Variants in HPGD observed in about 807,000 individuals in gnomAD.
The protein encoded by HPGD is 15-hydroxyprostaglandin dehydrogenase, also known as 15-hydroxyprostaglandin dehydrogenase [NAD(+)].
Under a neutral mutation model 30.0 loss-of-function variants are expected in HPGD, and 29 were observed. The observed-to-expected ratio is 0.97, with a 90% CI of 0.72 to 1.32. HPGD has a LOEUF of 1.32. HPGD is among the 40% of genes most tolerant of loss of function. HPGD has a pLI of 0.00. For missense variants in HPGD, 340 were observed against 322.1 expected (o/e 1.06, Z -0.43); for synonymous variants, 99 against 112.4 (o/e 0.88, Z 0.75).
intron 1 of HPGD, 58 bp from the exon 2 acceptor site, chr4:174,522,125 A>G: frequency 6.2e-7 from 1 of 1,612,322 alleles, no homozygotes; most frequent in Non-Finnish European, 8.5e-7. Flanking sequence ...AGACGGACAA[A>G]CAATAAACAC....
chr4:174,501,600 G>GA (rs45612543), intron 4 of HPGD, among the ~76,000 whole-genome samples: 1,821 of 150,310 alleles, frequency 0.012, 11 homozygotes, highest in Non-Finnish European at 0.02. Flanking sequence ...TAAAGTTACA[G>GA]AAAAAAAAAT....
At chr4:174,505,397 C>T (rs1735133297) in intron 4 of HPGD, among the ~76,000 whole-genome samples, 1 of 152,046 alleles carries the variant, frequency 6.6e-6, no homozygotes, top group Admixed American at 6.6e-5. Flanking sequence ...GTTTGGAAAA[C>T]ACAGAGTAGG....
intron 3 of HPGD, 92 bp from the exon 4 acceptor site, chr4:174,508,884 C>T: frequency 2.6e-6 from 2 of 770,614 alleles, no homozygotes; most frequent in Non-Finnish European, 2.4e-6. Flanking sequence ...TTCCAGATAC[C>T]TAGGGAGATT....
intron 4 of HPGD, among the ~76,000 whole-genome samples, chr4:174,504,622 G>A (rs1357953950): frequency 1.3e-5 from 2 of 151,286 alleles, no homozygotes; most frequent in East Asian, 3.9e-4. Context: ...AGCCTGGCTA[G>A]CATGATGAAA....
intron 2 of HPGD, among the ~76,000 whole-genome samples, chr4:174,519,242 C>T (rs1735951263): frequency 6.7e-6 from 1 of 149,552 alleles, no homozygotes; most frequent in Non-Finnish European, 1.5e-5. Context: ...GAGTCGGAGC[C>T]TCGTTCTGTC....
chr4:174,509,778 A>G (rs573002269), intron 3 of HPGD, among the ~76,000 whole-genome samples: 2 of 152,264 alleles, frequency 1.3e-5, no homozygotes, highest in South Asian at 2.1e-4. Flanking sequence ...AGTTAGCTGG[A>G]CATCTGGTCT....
At chr4:174,517,948 G>T (rs1458220339) in intron 3 of HPGD, 23 bp downstream of exon 3, 1 of 1,196,080 alleles carries the variant, frequency 8.4e-7, no homozygotes, top group Non-Finnish European at 1.2e-6. Flanking sequence ...TTATAGACAA[G>T]AAATATAGCT....
intron 4 of HPGD, among the ~76,000 whole-genome samples, chr4:174,500,681 T>G (rs1734857264): frequency 6.6e-6 from 1 of 152,188 alleles, no homozygotes; most frequent in Non-Finnish European, 1.5e-5. Flanking sequence ...ATATGACATC[T>G]GGAAAAGGCA....
Position 174,496,800 on chromosome 4 carries a change from T to C in HPGD, c.422-1176A>G, listed in dbSNP as rs1250186155. Reference sequence around the variant, plus strand: ...AGCAATAAATGCAGACCATAACCACTCCCTGGGTGCCTGCCAGGTTTCAAT... The same window carrying C: ...AGCAATAAATGCAGACCATAACCACCCCCTGGGTGCCTGCCAGGTTTCAAT... On this transcript the variant is annotated intron_variant, in intron 4 of 6. Transcript: ENST00000296522. This position sits in a 1 kb window ranked among gnomAD's most constrained non-coding sequence, Gnocchi z 4.6. 6.6e-6 allele frequency among the ~76,000 whole-genome samples: 1 copy of C among 152,174 alleles called. No homozygotes were observed. The highest frequency in any genetic ancestry group is 1.5e-5 in the Non-Finnish European group (1 of 68,032).
intron 3 of HPGD, among the ~76,000 whole-genome samples, chr4:174,509,398 T>G (rs1465535376): frequency 6.6e-6 from 1 of 152,206 alleles, no homozygotes; most frequent in Non-Finnish European, 1.5e-5. Context: ...AATTCAGTCA[T>G]GGAAATCCCA....
rs141149407 is a variant in HPGD at position 174,521,618 on chromosome 4, T to C, written c.217+326A>G. Reference sequence around the variant, plus strand: ...GTACCTTACTTAACCTACTTTAATTTTCCAAGTTTTGTCTGCAATTTCAAT... The same window carrying C: ...GTACCTTACTTAACCTACTTTAATTCTCCAAGTTTTGTCTGCAATTTCAAT... On this transcript the variant is annotated intron_variant, in intron 2 of 6. Transcript: ENST00000296522. Among the ~76,000 whole-genome samples the C allele has an allele frequency of 1.2e-3, 188 of 152,362 alleles. 3 individuals are homozygous for C. In the East Asian group the frequency reaches 0.029, roughly 23 times the overall value.
intron 3 of HPGD, among the ~76,000 whole-genome samples, chr4:174,510,670 G>A (rs2110841939): frequency 6.6e-6 from 1 of 152,192 alleles, no homozygotes; most frequent in Non-Finnish European, 1.5e-5. Flanking sequence ...TTAAGAACTG[G>A]GTAATTTTTC....
Position 174,522,467 on chromosome 4 carries a change from G to C in HPGD, c.-16C>G, listed in dbSNP as rs1446710124. On this transcript the variant is annotated 5_prime_UTR_variant, in exon 1 of 7. Coordinates refer to ENST00000296522, the MANE Select transcript of HPGD (RefSeq NM_000860.6). ...TCACGTGCATGGTGCAGCCACTGCTGGGGCGGGCGGTGGGCGAGCTCCGCG... is the reference window on the plus strand; with the variant it reads ...TCACGTGCATGGTGCAGCCACTGCTCGGGCGGGCGGTGGGCGAGCTCCGCG... 13 of 1,541,282 alleles carry C rather than the reference G, an allele frequency of 8.4e-6. No homozygotes were observed. In the South Asian group the frequency reaches 1.5e-4, roughly 18 times the overall value.
At chr4:174,501,433 T>TA (rs951534752) in intron 4 of HPGD, among the ~76,000 whole-genome samples, 1 of 152,194 alleles carries the variant, frequency 6.6e-6, no homozygotes, top group Non-Finnish European at 1.5e-5. Flanking sequence ...CCTGTGTGCT[T>TA]AAAAATAGAT....
chr4:174,497,982 T>A (rs2110789592), intron 4 of HPGD, among the ~76,000 whole-genome samples: 1 of 149,072 alleles, frequency 6.7e-6, no homozygotes, highest in South Asian at 2.2e-4. Flanking sequence ...AGAGTCTAGC[T>A]CTATTGCCCA....
At chr4:174,522,153 T>C (rs950148894) in intron 1 of HPGD, 86 bp from the exon 2 acceptor site, 6 of 1,596,960 alleles carry the variant, frequency 3.8e-6, no homozygotes, top group Non-Finnish European at 5.1e-6. Flanking sequence ...GCTCCCCTCC[T>C]GGACCTGAAA....
intron 1 of HPGD, 21 bp from the exon 2 acceptor site, chr4:174,522,088 A>T: frequency 1.2e-6 from 2 of 1,614,152 alleles, no homozygotes; most frequent in Admixed American, 3.3e-5. Flanking sequence ...GAGGAGAGGA[A>T]TCGCGGGCCT....
intron 3 of HPGD, among the ~76,000 whole-genome samples, chr4:174,513,061 T>C (rs1242027737): frequency 1.3e-5 from 2 of 152,190 alleles, no homozygotes; most frequent in Non-Finnish European, 2.9e-5. Context: ...GCTGTAATCA[T>C]TGCACACTGT....
chr4:174,493,421 A>C, intron 5 of HPGD, 107 bp from the exon 6 acceptor site: 1 of 1,000,838 alleles, frequency 1.0e-6, no homozygotes. Flanking sequence ...AATACTAATT[A>C]GATATCCTCC....
Sources: gnomAD v4.1 joint callset for allele counts (sites outside exome capture counted in the v4.1 genomes callset) on GRCh38, gnomAD v4.1.1 for gene constraint, Gnocchi (gnomAD v3.1) non-coding constraint, MANE v1.5 for transcripts, NCBI Gene and HGNC (gene_info 2026-07-23, HGNC 2026-07-21) for gene names.